Variants in CCSER1 observed in about 807,000 individuals in gnomAD.
CCSER1 encodes the protein serine-rich coiled-coil domain-containing protein 1.
CCSER1 carries 41 observed loss-of-function variants against 82.0 expected under a neutral mutation model. The observed-to-expected ratio is 0.50, with a 90% CI of 0.39 to 0.65. CCSER1 has a LOEUF of 0.65. Ranked by LOEUF, CCSER1 falls within the 30% of genes least tolerant of loss-of-function variation. The pLI, the probability that CCSER1 is intolerant of heterozygous loss-of-function variation, is 0.00. For missense variants in CCSER1, 1,119 were observed against 1,064.2 expected (o/e 1.05, Z -0.72); for synonymous variants, 414 against 383.9 (o/e 1.08, Z -0.92).
At chr4:90,368,456 C>G (rs993514571) in intron 3 of CCSER1, among the ~76,000 whole-genome samples, 1 of 151,748 alleles carries the variant, frequency 6.6e-6, no homozygotes, top group Non-Finnish European at 1.5e-5. Context: ...GTCAAGGGAA[C>G]AAGACCTTGT....
chr4:91,258,499 T>C lies in CCSER1; in HGVS notation c.2217+172505T>C, dbSNP rs1283736896. Among the ~76,000 whole-genome samples the C allele has an allele frequency of 3.9e-5, 6 of 152,178 alleles. No homozygotes were observed. In the East Asian group the frequency reaches 9.7e-4, roughly 25 times the overall value. ...ATCAGATAAGTTGAGTTAGTGTCAA[T>C]ATTTCATAACCTGCATTAGTAAAGC... is the stretch of plus-strand genomic sequence containing the variant. On this transcript the variant is annotated intron_variant, in intron 10 of 10. Transcript: ENST00000509176.
intron 6 of CCSER1, among the ~76,000 whole-genome samples, chr4:90,712,939 T>C (rs1389527190): frequency 6.6e-6 from 1 of 151,824 alleles, no homozygotes; most frequent in Non-Finnish European, 1.5e-5. Context: ...GTTTAAATTC[T>C]GTTTTGTCAG....
chr4:90,990,557 C>G (rs577961540), intron 9 of CCSER1, among the ~76,000 whole-genome samples: 65 of 151,998 alleles, frequency 4.3e-4, no homozygotes, highest in African/African-American at 9.9e-4. Flanking sequence ...GAATATTTGT[C>G]AGGGAGTGCT....
At chr4:90,308,128 C>T (rs1314348171) in intron 1 of CCSER1, 116 bp from the exon 2 acceptor site, 2 of 728,046 alleles carry the variant, frequency 2.7e-6, no homozygotes, top group African/African-American at 1.8e-5. Context: ...TGTTATTTAT[C>T]GTCTTAGTAT....
At chr4:90,930,852 T>C (rs1368041248) in intron 9 of CCSER1, among the ~76,000 whole-genome samples, 2 of 148,946 alleles carry the variant, frequency 1.3e-5, no homozygotes, top group Non-Finnish European at 1.5e-5. Flanking sequence ...AAAACATTGC[T>C]TTCCTTTGAT....
rs1734820325 is a variant in CCSER1, at chr4:90,308,923, T to A, written c.639T>A (p.Val213=). Residue 213 remains valine, a synonymous_variant, in exon 2 of 11, where the codon GTT becomes GTA. Transcript: ENST00000509176. ...LVQQSEFSLE[V]TQYQEREPVL... ...AACAGTCTGAATTCTCATTGGAAGT[T>A]ACACAGTACCAAGAGAGAGAACCTG... 1 of 1,613,898 alleles carries A rather than the reference T, an allele frequency of 6.2e-7. No individual in the cohort carries two copies. The highest frequency in any genetic ancestry group is 2.2e-5 in the East Asian group (1 of 44,878).
At chr4:90,706,917 T>C (rs555015829) in intron 6 of CCSER1, among the ~76,000 whole-genome samples, 1 of 152,292 alleles carries the variant, frequency 6.6e-6, no homozygotes, top group South Asian at 2.1e-4. Context: ...ATAAGCTCAA[T>C]AGTGGATTTT....
intron 9 of CCSER1, among the ~76,000 whole-genome samples, chr4:91,055,735 C>T (rs1743382767): frequency 6.8e-6 from 1 of 146,806 alleles, no homozygotes; most frequent in African/African-American, 2.5e-5. Context: ...CTTTTCCCTT[C>T]CCCTCTGCCC....
intron 5 of CCSER1, among the ~76,000 whole-genome samples, chr4:90,540,305 T>C (rs1355387787): frequency 6.6e-6 from 1 of 152,074 alleles, no homozygotes; most frequent in African/African-American, 2.4e-5. Flanking sequence ...CAATAACATA[T>C]TTTGTGTTTA....
At chr4:91,271,570 C>G (rs1176657858) in intron 10 of CCSER1, among the ~76,000 whole-genome samples, 18 of 152,074 alleles carry the variant, frequency 1.2e-4, no homozygotes, top group Admixed American at 1.2e-3. Context: ...ATAGCAGTCT[C>G]CAATCTCATC....
chr4:90,617,234 A>AT (rs923802033), intron 5 of CCSER1, among the ~76,000 whole-genome samples: 15 of 151,286 alleles, frequency 9.9e-5, no homozygotes, highest in African/African-American at 2.9e-4. Flanking sequence ...GGGGGGAATT[A>AT]TTTTTTTTTC....
intron 1 of CCSER1, among the ~76,000 whole-genome samples, chr4:90,263,411 G>A (rs901094949): frequency 6.6e-6 from 1 of 152,176 alleles, no homozygotes; most frequent in Non-Finnish European, 1.5e-5. Flanking sequence ...AGGTGGCAGG[G>A]GAGTGATGTA....
At chr4:91,329,834 C>G (rs1238173475) in intron 10 of CCSER1, among the ~76,000 whole-genome samples, 12 of 152,118 alleles carry the variant, frequency 7.9e-5, no homozygotes, top group African/African-American at 2.9e-4. Flanking sequence ...GAGTTATAAT[C>G]ATGTCCTCCT....
At chr4:91,335,098 G>A (rs908547167) in intron 10 of CCSER1, among the ~76,000 whole-genome samples, 1 of 151,884 alleles carries the variant, frequency 6.6e-6, no homozygotes, top group African/African-American at 2.4e-5. Flanking sequence ...TTCTGAGTGG[G>A]GATTTTTCAG....
chr4:91,272,769 G>T (rs1742134339), intron 10 of CCSER1, among the ~76,000 whole-genome samples: 1 of 152,112 alleles, frequency 6.6e-6, no homozygotes, highest in South Asian at 2.1e-4. Flanking sequence ...GTTTATTTTT[G>T]AATAAGGTGA....
rs188798866 is a variant in CCSER1 at position 91,274,822 on chromosome 4, T to C, written c.2217+188828T>C. ...AGTATCTTTTTGAAATACTAATTTA[T>C]TGGCCTGGCGCAGTGGCTCATGCCT... is the stretch of plus-strand genomic sequence containing the variant. On this transcript the variant is annotated intron_variant, in intron 10 of 10. Transcript: ENST00000509176. Among the ~76,000 whole-genome samples the C allele has an allele frequency of 2.1e-3, 316 of 152,280 alleles. 1 individual carries two copies. The highest frequency in any genetic ancestry group is 7.4e-3 in the African/African-American group (307 of 41,554).
intron 10 of CCSER1, among the ~76,000 whole-genome samples, chr4:91,574,755 G>A (rs1763362961): frequency 6.6e-6 from 1 of 151,828 alleles, no homozygotes; most frequent in Admixed American, 6.6e-5. Context: ...GAGGGAGGAG[G>A]GGAAAGAGTT....
intron 8 of CCSER1, among the ~76,000 whole-genome samples, chr4:90,892,646 T>G (rs1327098922): frequency 6.6e-6 from 1 of 152,030 alleles, no homozygotes; most frequent in Non-Finnish European, 1.5e-5. Flanking sequence ...ACTTCCTAAT[T>G]CAATTCTAGA....
chr4:91,302,003 C>T (rs1744706648), intron 10 of CCSER1, among the ~76,000 whole-genome samples: 1 of 150,990 alleles, frequency 6.6e-6, no homozygotes, highest in Non-Finnish European at 1.5e-5. Context: ...TTCCTTTTTC[C>T]CTTGTTTATT....
Sources: allele counts gnomAD v4.1 joint callset (sites outside exome capture counted in the v4.1 genomes callset), GRCh38; gene constraint gnomAD v4.1.1; transcripts MANE v1.5; gene names NCBI Gene and HGNC (gene_info 2026-07-23, HGNC 2026-07-21).